The following UNC79 variants were observed in gnomAD, a reference collection of about 807,000 sequenced individuals.
UNC79 encodes the protein unc-79 subunit of NALCN channel complex, also known as protein unc-79 homolog.
In UNC79, 37 loss-of-function variants were observed where a neutral mutation model predicts 283.1. The observed-to-expected ratio is 0.13, with a 90% confidence interval of 0.10 to 0.17. UNC79 has a LOEUF of 0.17. UNC79 is among the 10% of genes least tolerant of loss of function. The pLI is 1.00. For synonymous variants in UNC79, 1,107 were observed against 1,200.2 expected (o/e 0.92, Z 1.61); for missense variants, 2,272 against 3,211.1 (o/e 0.71, Z 7.07).
chr14:93,463,964 A>G (rs1458884029), intron 1 of UNC79, among the ~76,000 whole-genome samples: 1 of 152,056 alleles, frequency 6.6e-6, no homozygotes, highest in Non-Finnish European at 1.5e-5. Context: ...ACTGGCTAAC[A>G]CGGTGAAACC....
chr14:93,413,700 CT>C (rs2055386894), intron 1 of UNC79, among the ~76,000 whole-genome samples: 1 of 98,872 alleles, frequency 1.0e-5, no homozygotes, highest in Admixed American at 1.2e-4. Context: ...TGTTTCCTGA[CT>C]TTTTAATGAT....
chr14:93,698,372 C>T (rs1175358677), intron 47 of UNC79, among the ~76,000 whole-genome samples: 1 of 150,156 alleles, frequency 6.7e-6, no homozygotes, highest in African/African-American at 2.5e-5. Flanking sequence ...TATTATGAAG[C>T]TCTGTTATTA....
rs1566998219 is a variant in UNC79 at position 93,493,891 on chromosome 14, A to ATT, written c.713-2519_713-2518insTT. Among the ~76,000 whole-genome samples, 43 of 64,196 alleles carry ATT rather than the reference A, an allele frequency of 6.7e-4. 1 individual carries two copies. Among genetic ancestry groups the ATT allele is most frequent in the Non-Finnish European group, 1.2e-3 (36 of 31,262 alleles). The allele number at this position is 64,196 out of a possible 152,430, so 42.1% of individuals were successfully genotyped here. A position where few individuals can be genotyped will look rare whatever the true frequency, so the allele number is the denominator to read the frequency against. The stretch of plus-strand genomic sequence containing the variant: ...AAGTGCCACATATATATATATATAT[A>ATT]TATATATATATTTTTTTTTTTTTTT... On this transcript the variant is annotated intron_variant, in intron 5 of 48. Transcript: ENST00000555664.
At chr14:93,411,321 T>TCTCTGGCTCCTGGA (rs2055331794) in intron 1 of UNC79, among the ~76,000 whole-genome samples, 1 of 152,128 alleles carries the variant, frequency 6.6e-6, no homozygotes, top group Admixed American at 6.5e-5. Context: ...TTGACCGTAG[T>TCTCTGGCTCCTGGA]CTCTGGCTCC....
intron 14 of UNC79, among the ~76,000 whole-genome samples, chr14:93,569,888 A>G (rs1293161559): frequency 6.6e-6 from 1 of 152,180 alleles, no homozygotes; most frequent in Non-Finnish European, 1.5e-5. Context: ...CTAAAGCCAC[A>G]TTTCTGTTTT....
At position 93,411,868 on chromosome 14, in the gene UNC79, C is replaced by T. The variant is rs995703102; in HGVS notation, c.-350-55803C>T. Among the ~76,000 whole-genome samples the T allele has an allele frequency of 1.2e-4, 19 of 152,214 alleles. 1 individual carries two copies. Among genetic ancestry groups the T allele is most frequent in the Non-Finnish European group, 4.4e-5 (3 of 68,044 alleles). On this transcript the variant is annotated intron_variant, in intron 1 of 49. Transcript: ENST00000256339. Reference sequence around the variant, plus strand: ...GGAAACTGAGAAATATCTAACTCTTCAATGCCCAGACGCAGACAAACATCT... The same window carrying T: ...GGAAACTGAGAAATATCTAACTCTTTAATGCCCAGACGCAGACAAACATCT...
At chr14:93,346,957 G>C (rs1206235791) in intron 1 of UNC79, among the ~76,000 whole-genome samples, 1 of 151,982 alleles carries the variant, frequency 6.6e-6, no homozygotes, top group Non-Finnish European at 1.5e-5. Context: ...GAACTGAAGA[G>C]AGTGGAGCAG....
intron 20 of UNC79, among the ~76,000 whole-genome samples, chr14:93,585,820 T>A (rs2064180194): frequency 6.6e-6 from 1 of 152,142 alleles, no homozygotes; most frequent in Non-Finnish European, 1.5e-5. Flanking sequence ...TACCTCTTTT[T>A]GTGAGAATCC....
chr14:93,630,708 G>A (rs953485308), intron 30 of UNC79, 93 bp from the exon 33 acceptor site: 65 of 920,336 alleles, frequency 7.1e-5, no homozygotes, highest in African/African-American at 1.2e-4. Flanking sequence ...GAGTTGAATG[G>A]TTGTAGTAGA....
At chr14:93,342,212 C>G (rs1345509652) in intron 1 of UNC79, among the ~76,000 whole-genome samples, 1 of 152,214 alleles carries the variant, frequency 6.6e-6, no homozygotes, top group Admixed American at 6.5e-5. Context: ...CATACATCCT[C>G]TAAAATCTAG....
intron 1 of UNC79, among the ~76,000 whole-genome samples, chr14:93,404,493 A>AAAAAAAAAAAAAAAAAAAAAT: frequency 6.5e-5 from 4 of 61,500 alleles, no homozygotes; most frequent in Admixed American, 2.4e-4. Flanking sequence ...TTCTAAAAAA[A>AAAAAAAAAAAAAAAAAAAAAT]ATATATATAT....
intron 41 of UNC79, among the ~76,000 whole-genome samples, chr14:93,678,331 A>T (rs2073529716): frequency 6.6e-6 from 1 of 152,206 alleles, no homozygotes; most frequent in Non-Finnish European, 1.5e-5. Context: ...ATCACGAATG[A>T]CACTGGTCCC....
chr14:93,430,222 TCTC>T (rs1372751709), upstream of UNC79: 3 of 153,258 alleles, frequency 2.0e-5, no homozygotes, highest in Non-Finnish European at 2.9e-5. This position sits in a 1 kb window ranked among gnomAD's most constrained non-coding sequence, Gnocchi z 4.6. Context: ...TCCGTGGACA[TCTC>T]CTCCTTCCTT....
At chr14:93,395,330 A>T (rs939382693) in intron 1 of UNC79, among the ~76,000 whole-genome samples, 1 of 152,222 alleles carries the variant, frequency 6.6e-6, no homozygotes, top group Admixed American at 6.5e-5. Flanking sequence ...ATTTATGAAG[A>T]AAAGAAGTTT....
chr14:93,478,516 G>T (rs1286438436), intron 4 of UNC79, among the ~76,000 whole-genome samples: 1 of 152,110 alleles, frequency 6.6e-6, no homozygotes, highest in African/African-American at 2.4e-5. Context: ...GGAGTCAAAC[G>T]TTGGGATCCA....
chr14:93,528,435 T>G, intron 8 of UNC79, 123 bp from the exon 9 acceptor site: 1 of 833,658 alleles, frequency 1.2e-6, no homozygotes, highest in East Asian at 2.7e-5. Flanking sequence ...AGGGTTTTAC[T>G]AAAAATGTTT....
At chr14:93,409,614 G>A (rs2055295356) in intron 1 of UNC79, among the ~76,000 whole-genome samples, 1 of 152,128 alleles carries the variant, frequency 6.6e-6, no homozygotes, top group Non-Finnish European at 1.5e-5. Context: ...CATGAGGCTA[G>A]GAGTTTGAGG....
rs529842130 is a variant in UNC79, at chr14:93,456,011, A to T, written c.23-11660A>T. On this transcript the variant is annotated intron_variant, in intron 1 of 48. Transcript: ENST00000555664. ...GGAGGGTTCAGGTGACTCTTGTAGG[A>T]GCTGCAGAGAATTACAGATGTATGA... Among the ~76,000 whole-genome samples, 5 of 151,852 alleles carry T rather than the reference A, an allele frequency of 3.3e-5. No individual in the cohort carries two copies. The East Asian group carries it at 5.8e-4, about 18-fold the overall frequency.
intron 2 of UNC79, among the ~76,000 whole-genome samples, chr14:93,472,514 A>G (rs963451563): frequency 3.9e-5 from 6 of 152,148 alleles, no homozygotes; most frequent in Non-Finnish European, 5.9e-5. Flanking sequence ...GAAGTATTAC[A>G]TAAGTATTCT....
Sources: gnomAD v4.1 joint callset for allele counts (sites outside exome capture counted in the v4.1 genomes callset) on GRCh38, gnomAD v4.1.1 for gene constraint, Gnocchi (gnomAD v3.1) non-coding constraint, MANE v1.5 for transcripts, NCBI Gene and HGNC (gene_info 2026-07-23, HGNC 2026-07-21) for gene names.